WBP1L: variants seen among roughly 807,000 people sequenced by gnomAD.
The protein encoded by WBP1L is WW domain binding protein 1-like.
In WBP1L, 17 loss-of-function variants were observed where a neutral mutation model predicts 33.7. That is an observed-to-expected ratio of 0.50 (90% CI 0.34 to 0.76). The LOEUF (loss-of-function observed/expected upper bound fraction) is 0.76, where lower values mean the gene tolerates loss of function less well. WBP1L is among the 30% of genes least tolerant of loss of function. The pLI is 0.01. For missense variants in WBP1L, 389 were observed against 469.4 expected, an observed-to-expected ratio of 0.83 and a Z score of 1.58; for synonymous variants, 173 against 190.8, an observed-to-expected ratio of 0.91 and a Z score of 0.77.
chr10:102,772,306 G>C (rs1411899640), intron 1 of WBP1L, among the ~76,000 whole-genome samples: 1 of 136,510 alleles, frequency 7.3e-6, no homozygotes, highest in African/African-American at 2.8e-5. Context: ...TGTCGCCCAG[G>C]CTGGAGTGCA....
At position 102,814,054 on chromosome 10, in the gene WBP1L, C is replaced by T. The variant is rs1345053980; in HGVS notation, c.*723C>T. On this transcript the variant is annotated 3_prime_UTR_variant, in exon 4 of 4. Coordinates refer to ENST00000448841, the MANE Select transcript of WBP1L (RefSeq NM_001083913.2). ...CTTTTCTTTGTTTGTTTGTTTTTTT[C>T]TCTAAAAACAAACAGCAAAAGACAG... 1 of 152,154 alleles carries T rather than the reference C, an allele frequency of 6.6e-6. No individual in the cohort carries two copies. The highest frequency in any genetic ancestry group is 1.5e-5 in the Non-Finnish European group (1 of 68,014). 9.4% of individuals were successfully genotyped at this position (152,154 alleles called of 1,614,324 possible). A position where few individuals can be genotyped will look rare whatever the true frequency, so the allele number is the denominator to read the frequency against.
intron 1 of WBP1L, 130 bp downstream of exon 1, chr10:102,744,273 C>A (rs1022456011): frequency 7.4e-5 from 95 of 1,283,624 alleles, no homozygotes; most frequent in Non-Finnish European, 9.4e-5. Flanking sequence ...CTGGCGTGGA[C>A]AGGATCTAAA....
At chr10:102,808,952 A>G (rs1292323042) in intron 2 of WBP1L, among the ~76,000 whole-genome samples, 1 of 152,184 alleles carries the variant, frequency 6.6e-6, no homozygotes, top group Non-Finnish European at 1.5e-5. Context: ...TGCATATTTA[A>G]TGCTCACAAA....
chr10:102,792,213 C>T (rs1033245654), intron 1 of WBP1L, among the ~76,000 whole-genome samples: 3 of 152,116 alleles, frequency 2.0e-5, no homozygotes, highest in East Asian at 1.9e-4. Context: ...ACTGTGGCAC[C>T]GGGGCTGAAG....
At chr10:102,808,189 G>GA (rs1843765772) in intron 2 of WBP1L, among the ~76,000 whole-genome samples, 1 of 151,960 alleles carries the variant, frequency 6.6e-6, no homozygotes, top group South Asian at 2.1e-4. Context: ...CAGAAAAAAA[G>GA]AAAATTAATT....
At chr10:102,776,210 G>T in intron 1 of WBP1L, 1 of 1,497,366 alleles carries the variant, frequency 6.7e-7, no homozygotes, top group Non-Finnish European at 8.9e-7. Flanking sequence ...GTAGCGAGGA[G>T]AGCAGGAGAC....
intron 1 of WBP1L, among the ~76,000 whole-genome samples, chr10:102,761,158 GAGAC>G (rs1843035655): frequency 1.3e-5 from 1 of 76,464 alleles, no homozygotes. Flanking sequence ...TCTTTTTTTT[GAGAC>G]GGAGTCTCAC....
At chr10:102,805,803 C>T (rs1843724619) in intron 2 of WBP1L, among the ~76,000 whole-genome samples, 1 of 151,758 alleles carries the variant, frequency 6.6e-6, no homozygotes, top group Admixed American at 6.6e-5. Context: ...GAGGCCAGAG[C>T]GGGAGGATCA....
intron 1 of WBP1L, among the ~76,000 whole-genome samples, chr10:102,771,414 C>T (rs553396469): frequency 2.0e-5 from 3 of 152,032 alleles, no homozygotes; most frequent in East Asian, 1.9e-4. Flanking sequence ...TAGGGAGGCA[C>T]GGTGGCTCAG....
chr10:102,744,025 C>T lies in WBP1L; in HGVS notation c.-29C>T, dbSNP rs978777005. On this transcript the variant is annotated 5_prime_UTR_variant, in exon 1 of 4. Transcript: ENST00000448841. ...AGGAGGAGGAGGGAGGTGGCGGCGC[C>T]GTGGCGGAGGAGCAGGAGCAGGAGG... is the stretch of plus-strand genomic sequence containing the variant. 10 of 1,511,608 alleles carry T rather than the reference C, an allele frequency of 6.6e-6. No homozygotes were observed. The highest frequency in any genetic ancestry group is 1.2e-5 in the South Asian group (1 of 82,728). The allele number at this position is 1,511,608 out of a possible 1,614,324, so 93.6% of individuals were successfully genotyped here. A position where few individuals can be genotyped will look rare whatever the true frequency, so the allele number is the denominator to read the frequency against.
At chr10:102,781,262 T>G (rs10883776) in intron 1 of WBP1L, among the ~76,000 whole-genome samples, 8 of 151,938 alleles carry the variant, frequency 5.3e-5, no homozygotes, top group Non-Finnish European at 1.2e-4. Flanking sequence ...GAGCCATGAC[T>G]GTGGAGAGGG....
chr10:102,788,135 CT>C (rs1232492409), intron 1 of WBP1L, among the ~76,000 whole-genome samples: 188 of 133,152 alleles, frequency 1.4e-3, no homozygotes, highest in East Asian at 1.8e-3. Context: ...TTCTTTCTTT[CT>C]TTTTTTTTTT....
chr10:102,810,853 C>T (rs1843829496), intron 3 of WBP1L, among the ~76,000 whole-genome samples: 1 of 151,266 alleles, frequency 6.6e-6, no homozygotes, highest in African/African-American at 2.4e-5. Flanking sequence ...AGGCGTGAGC[C>T]ACCGTGCCCC....
chr10:102,813,372 A>G lies in WBP1L; in HGVS notation c.*41A>G, dbSNP rs1432544305. 4 of 1,556,102 alleles carry G rather than the reference A, an allele frequency of 2.6e-6. No individual in the cohort carries two copies. The highest frequency in any genetic ancestry group is 3.5e-6 in the Non-Finnish European group (4 of 1,151,876). On this transcript the variant is annotated 3_prime_UTR_variant, in exon 4 of 4. Coordinates refer to ENST00000448841, the MANE Select transcript of WBP1L (RefSeq NM_001083913.2). ...CACCCAGCAACTTGGCAAAGCAACC[A>G]GGGTAGGGGAGAACCACGAGAGAAG...
chr10:102,812,759 T>A lies in WBP1L; in HGVS notation c.520T>A (p.Ser174Thr). 6.2e-7 allele frequency: 1 copy of A among 1,613,332 alleles called. No homozygotes were observed. Among genetic ancestry groups the A allele is most frequent in the Non-Finnish European group, 8.5e-7 (1 of 1,179,740 alleles). The change falls in exon 4 of 4, where the codon TCC (serine) becomes ACC (threonine). Residue 174 changes from serine to threonine, a missense_variant. Physicochemically the swap from Ser to Thr is moderately conservative, Grantham distance 58. Transcript: ENST00000448841. The part of the protein sequence containing the change: ...SPPGIDPTRG[S>T]QGAQSSPLSE... ...CCCGGGCATCGATCCCACCAGGGGA[T>A]CCCAGGGGGCACAGAGCAGCCCCTT...
At chr10:102,744,353 G>A (rs1210239466) in intron 1 of WBP1L, 1 of 983,734 alleles carries the variant, frequency 1.0e-6, no homozygotes, top group Non-Finnish European at 1.2e-6. Context: ...GAGGCATGAT[G>A]CCAAGCGAGT....
chr10:102,757,608 C>G (rs1448623039), intron 1 of WBP1L, among the ~76,000 whole-genome samples: 2 of 132,320 alleles, frequency 1.5e-5, no homozygotes, highest in Non-Finnish European at 3.1e-5. Flanking sequence ...TACAAGCTCT[C>G]CCTGTGTCAC....
intron 1 of WBP1L, among the ~76,000 whole-genome samples, chr10:102,781,625 C>T (rs1381188806): frequency 1.3e-5 from 2 of 152,102 alleles, no homozygotes; most frequent in East Asian, 3.9e-4. Context: ...TACCCTCGGG[C>T]CCAACCTCTT....
intron 1 of WBP1L, among the ~76,000 whole-genome samples, chr10:102,784,574 C>G (rs868120077): frequency 8.6e-5 from 13 of 151,630 alleles, no homozygotes; most frequent in African/African-American, 3.1e-4. Flanking sequence ...TACAGGCGCC[C>G]GCCACCACAC....
Sources: gnomAD v4.1 joint callset for allele counts (sites outside exome capture counted in the v4.1 genomes callset) on GRCh38, gnomAD v4.1.1 for gene constraint, MANE v1.5 for transcripts, NCBI Gene and HGNC (gene_info 2026-07-23, HGNC 2026-07-21) for gene names.